Variants in CDK17 observed in about 807,000 individuals in gnomAD.
CDK17 encodes the protein cyclin-dependent kinase 17.
CDK17 carries 24 observed loss-of-function variants against 77.6 expected under a neutral mutation model. That is an observed-to-expected ratio of 0.31 (90% CI 0.22 to 0.44). The LOEUF is 0.44. Among genes scored for constraint, CDK17 ranks in the 20% least tolerant of loss-of-function variants. The pLI is 1.00. For synonymous variants in CDK17, 203 were observed against 210.4 expected, an observed-to-expected ratio of 0.96 and a Z score of 0.30; for missense variants, 429 against 622.5, an observed-to-expected ratio of 0.69 and a Z score of 3.31.
At chr12:96,390,201 G>T (rs1215871716) in intron 1 of CDK17, among the ~76,000 whole-genome samples, 1 of 149,888 alleles carries the variant, frequency 6.7e-6, no homozygotes, top group Non-Finnish European at 1.5e-5. Context: ...GCCCAGGCTG[G>T]AGTGCAGTGT....
At chr12:96,361,149 G>A (rs1157238218) in intron 1 of CDK17, among the ~76,000 whole-genome samples, 5 of 152,186 alleles carry the variant, frequency 3.3e-5, no homozygotes, top group African/African-American at 1.2e-4. Flanking sequence ...TGCAAAGCTG[G>A]AACCCAGATT....
intron 1 of CDK17, among the ~76,000 whole-genome samples, chr12:96,338,203 C>A (rs1475187492): frequency 6.6e-6 from 1 of 152,184 alleles, no homozygotes; most frequent in Admixed American, 6.5e-5. Flanking sequence ...AGGTGAACTT[C>A]CCTGGTTGAA....
rs1301600290 is a variant in CDK17, at chr12:96,313,435, T to C, written c.303A>G (p.Leu101=). 1 of 1,563,882 alleles carries C rather than the reference T, an allele frequency of 6.4e-7. No individual in the cohort carries two copies. The highest frequency in any genetic ancestry group is 1.2e-5 in the South Asian group (1 of 82,484). The change falls in exon 4 of 17, where the codon CTA becomes CTG. Residue 101 remains leucine (L), a synonymous_variant. Coordinates refer to ENST00000261211, the MANE Select transcript of CDK17 (RefSeq NM_002595.5). ...CACTCTCACCATCTGATCCCATTTT[T>C]AGATTTTCATGAACAATATCTATAT... is the stretch of plus-strand genomic sequence containing the variant. ...GSRLDIVHEN[L]KMGSDGESDQ... is the part of the protein sequence containing the mutation.
intron 1 of CDK17, among the ~76,000 whole-genome samples, chr12:96,395,030 C>T (rs1592778605): frequency 6.6e-6 from 1 of 151,946 alleles, no homozygotes; most frequent in Non-Finnish European, 1.5e-5. Context: ...CATGCACCAC[C>T]GTGCCCAGCT....
intron 10 of CDK17, among the ~76,000 whole-genome samples, chr12:96,292,466 C>T (rs911058607): frequency 1.3e-5 from 2 of 151,988 alleles, no homozygotes; most frequent in South Asian, 4.2e-4. Flanking sequence ...ATTAGCTGGG[C>T]GTGGTGGGCA....
chr12:96,395,906 C>A (rs542219849), intron 1 of CDK17, among the ~76,000 whole-genome samples: 1 of 152,296 alleles, frequency 6.6e-6, no homozygotes, highest in South Asian at 2.1e-4. Context: ...TTTCAGACTT[C>A]CAGCCCCGGA....
chr12:96,320,447 G>C (rs954735507), intron 3 of CDK17, among the ~76,000 whole-genome samples: 51 of 149,974 alleles, frequency 3.4e-4, no homozygotes, highest in African/African-American at 1.2e-3. Context: ...CACAGAATTG[G>C]GAAAAACTAC....
At chr12:96,364,802 T>C (rs1953556941) in intron 1 of CDK17, among the ~76,000 whole-genome samples, 4 of 152,170 alleles carry the variant, frequency 2.6e-5, no homozygotes, top group Admixed American at 2.0e-4. Context: ...GAAAACAAAA[T>C]TACTGGGCTG....
At chr12:96,305,772 G>A (rs1952569307) in intron 5 of CDK17, among the ~76,000 whole-genome samples, 1 of 152,108 alleles carries the variant, frequency 6.6e-6, no homozygotes, top group Admixed American at 6.6e-5. Context: ...AGGCTGGAGT[G>A]CAGTGGTGCA....
chr12:96,296,815 T>C (rs1353867121), intron 9 of CDK17, among the ~76,000 whole-genome samples: 1 of 152,198 alleles, frequency 6.6e-6, no homozygotes, highest in Non-Finnish European at 1.5e-5. Flanking sequence ...ACAGTACAGA[T>C]TGGTATTTCC....
intron 1 of CDK17, among the ~76,000 whole-genome samples, chr12:96,385,511 A>T (rs1198510441): frequency 6.6e-6 from 1 of 152,200 alleles, no homozygotes; most frequent in Admixed American, 6.5e-5. Flanking sequence ...AATCAAAAAT[A>T]AAAGTTGAAA....
chr12:96,304,315 G>C (rs1395779269), intron 5 of CDK17, among the ~76,000 whole-genome samples: 1 of 152,156 alleles, frequency 6.6e-6, no homozygotes, highest in African/African-American at 2.4e-5. Context: ...GAGAAGGGCG[G>C]ATCATGAGGT....
chr12:96,383,735 A>C (rs1953924829), intron 1 of CDK17, among the ~76,000 whole-genome samples: 1 of 152,244 alleles, frequency 6.6e-6, no homozygotes, highest in Non-Finnish European at 1.5e-5. Context: ...CAGAAGAATG[A>C]AAGTGGGCCC....
At chr12:96,339,896 C>T (rs1351429835) in intron 1 of CDK17, among the ~76,000 whole-genome samples, 1 of 151,962 alleles carries the variant, frequency 6.6e-6, no homozygotes, top group Non-Finnish European at 1.5e-5. Flanking sequence ...CACTGCACTC[C>T]AGCCTGGGTG....
At chr12:96,285,363 T>C (rs1236705321) in intron 13 of CDK17, among the ~76,000 whole-genome samples, 2 of 152,092 alleles carry the variant, frequency 1.3e-5, no homozygotes, top group Admixed American at 6.5e-5. Flanking sequence ...AACAAGTGTG[T>C]TATGTTGTGA....
At chr12:96,291,466 A>AT (rs1222160033) in intron 10 of CDK17, among the ~76,000 whole-genome samples, 4 of 151,934 alleles carry the variant, frequency 2.6e-5, no homozygotes, top group African/African-American at 7.2e-5. Flanking sequence ...TAATTTTGAA[A>AT]TTTTTTATAG....
chr12:96,282,696 A>G (rs1310430664), intron 14 of CDK17, 97 bp from the exon 15 acceptor site: 5 of 720,666 alleles, frequency 6.9e-6, no homozygotes, highest in Non-Finnish European at 1.2e-5. Context: ...CTTAAAAAAA[A>G]TCTTGATTAT....
intron 1 of CDK17, among the ~76,000 whole-genome samples, chr12:96,387,571 T>C (rs1953995511): frequency 6.6e-6 from 1 of 152,220 alleles, no homozygotes; most frequent in South Asian, 2.1e-4. Flanking sequence ...GCAGATTTTA[T>C]GACAAAGAAT....
chr12:96,330,442 G>A (rs1013641308), intron 2 of CDK17, among the ~76,000 whole-genome samples: 1 of 152,068 alleles, frequency 6.6e-6, no homozygotes, highest in Non-Finnish European at 1.5e-5. Flanking sequence ...CTTACAATGT[G>A]GTACAACCAT....
Sources: gnomAD v4.1 joint callset for allele counts (sites outside exome capture counted in the v4.1 genomes callset) on GRCh38, gnomAD v4.1.1 for gene constraint, MANE v1.5 for transcripts, NCBI Gene and HGNC (gene_info 2026-07-23, HGNC 2026-07-21) for gene names.